Variants in SPTB observed in about 807,000 individuals in gnomAD.
SPTB encodes spectrin beta chain, erythrocytic.
Under a neutral mutation model 256.2 loss-of-function variants are expected in SPTB, and 45 were observed. The ratio of observed to expected loss-of-function variants is 0.18; its 90% CI spans 0.14 to 0.23. SPTB has a LOEUF of 0.23. Ranked by LOEUF, SPTB falls within the 10% of genes least tolerant of loss-of-function variation. The probability of loss-of-function intolerance (pLI) is 1.00; values close to 1 mark genes in which losing one functional copy is unlikely to be tolerated. For synonymous variants in SPTB, 1,231 were observed against 1,243.1 expected, an observed-to-expected ratio of 0.99 and a Z score of 0.21; for missense variants, 2,715 against 3,040.4, an observed-to-expected ratio of 0.89 and a Z score of 2.52.
chr14:64,803,651 G>C lies in SPTB; in HGVS notation c.430C>G (p.Arg144Gly). The stretch of plus-strand genomic sequence containing the variant: ...GTCCAGATGAGGCCCAGGACCAGGC[G>C]GTGGTTGCCATCTACAATGTCGTGG... ...GSHDIVDGNH[R>G]LVLGLIWTII... The change falls in exon 4 of 36, where the codon CGC (arginine) becomes GGC (glycine). Residue 144 changes from arginine to glycine, a missense_variant. Physicochemically the swap from Arg to Gly is moderately radical, Grantham distance 125. Transcript: ENST00000644917. 6.2e-7 allele frequency: 1 copy of C among 1,614,180 alleles called. No individual in the cohort carries two copies. Among genetic ancestry groups the C allele is most frequent in the Non-Finnish European group, 8.5e-7 (1 of 1,180,028 alleles).
intron 1 of SPTB, among the ~76,000 whole-genome samples, chr14:64,836,449 A>T (rs901262197): frequency 1.3e-5 from 2 of 152,214 alleles, no homozygotes; most frequent in Non-Finnish European, 2.9e-5. Flanking sequence ...TACAAATAAC[A>T]TGCAGTGTCT....
At chr14:64,782,672 A>G in intron 19 of SPTB, 119 bp from the exon 20 acceptor site, 1 of 1,451,618 alleles carries the variant, frequency 6.9e-7, no homozygotes, top group South Asian at 1.2e-5. Flanking sequence ...GAATCTTCAT[A>G]GAACATGGGT....
chr14:64,872,388 C>T (rs1957437), intron 1 of SPTB, among the ~76,000 whole-genome samples: 117,659 of 152,078 alleles, frequency 0.77, 46,213 homozygotes, highest in African/African-American at 0.85. Flanking sequence ...GGACTCCTTG[C>T]CTCCACTCTT....
rs2139413750 is a variant in SPTB, at chr14:64,749,076, G to A, written c.*230C>T. 4.3e-6 allele frequency: 2 copies of A among 465,042 alleles called. No individual in the cohort carries two copies. The highest frequency in any genetic ancestry group is 7.6e-6 in the Non-Finnish European group (2 of 263,426). 28.8% of individuals were successfully genotyped at this position (465,042 alleles called of 1,614,324 possible). On this transcript the variant is annotated 3_prime_UTR_variant, in exon 36 of 36. Coordinates refer to ENST00000644917, the MANE Select transcript of SPTB (RefSeq NM_001355436.2). The surrounding 1 kb of genome is among the most constrained non-coding windows in gnomAD (Gnocchi z 4.7). ...AGGCCCCAAAGGCGCCAGAGGAGCT[G>A]GGAGCCCCTGTCCCTGGAGCGGAGC...
At chr14:64,876,380 G>T (rs887268905) in intron 1 of SPTB, among the ~76,000 whole-genome samples, 1 of 152,056 alleles carries the variant, frequency 6.6e-6, no homozygotes, top group African/African-American at 2.4e-5. Flanking sequence ...TGACCAGCAT[G>T]GTGAAACCCC....
intron 3 of SPTB, among the ~76,000 whole-genome samples, chr14:64,804,141 G>C (rs569636543): frequency 6.6e-6 from 1 of 152,320 alleles, no homozygotes; most frequent in Admixed American, 6.5e-5. Context: ...CCAGTGTTAA[G>C]AGTAATTTTT....
At chr14:64,822,285 A>G (rs974071505) in intron 2 of SPTB, among the ~76,000 whole-genome samples, 23 of 149,522 alleles carry the variant, frequency 1.5e-4, no homozygotes, top group African/African-American at 5.7e-4. Context: ...CAAGAATCAG[A>G]TATCAGCCAA....
At chr14:64,815,518 A>C (rs1485015959) in intron 2 of SPTB, among the ~76,000 whole-genome samples, 6 of 152,220 alleles carry the variant, frequency 3.9e-5, no homozygotes, top group African/African-American at 1.4e-4. Flanking sequence ...TCTGAACAAA[A>C]GCACCTAGAA....
intron 32 of SPTB, chr14:64,754,132 G>T (rs2081990373): frequency 2.3e-6 from 1 of 427,450 alleles, no homozygotes; most frequent in Non-Finnish European, 4.4e-6. Context: ...GTGTGAGGGG[G>T]GGCAGGTTCC....
At chr14:64,811,075 C>T (rs959406590) in intron 2 of SPTB, among the ~76,000 whole-genome samples, 2 of 151,198 alleles carry the variant, frequency 1.3e-5, no homozygotes, top group Admixed American at 6.6e-5. Context: ...ATTGTGCCAC[C>T]GCACTCCAGC....
rs1175788441 is a variant in SPTB at position 64,778,702 on chromosome 14, G to A, written c.4563+455C>T. 6.6e-6 allele frequency among the ~76,000 whole-genome samples: 1 copy of A among 152,198 alleles called. No homozygotes were observed. The highest frequency in any genetic ancestry group is 1.5e-5 in the Non-Finnish European group (1 of 68,044). On this transcript the variant is annotated intron_variant, in intron 22 of 35. Transcript: ENST00000644917. The surrounding 1 kb of genome is among the most constrained non-coding windows in gnomAD (Gnocchi z 5.2). ...CCCCACAAGTATCCTCATATGTCGA[G>A]AGAAATGGGGCCTACTTACCCCAAG...
At chr14:64,822,259 GAA>G (rs113454275) in intron 2 of SPTB, among the ~76,000 whole-genome samples, 1 of 132,936 alleles carries the variant, frequency 7.5e-6, no homozygotes. Context: ...AGGAGTTGGG[GAA>G]AAAAAAAAAA....
chr14:64,872,869 C>T (rs1341140461), intron 1 of SPTB, among the ~76,000 whole-genome samples: 1 of 152,218 alleles, frequency 6.6e-6, no homozygotes, highest in Non-Finnish European at 1.5e-5. Context: ...CGCCTGCCAC[C>T]ATGTATGACA....
At chr14:64,815,112 G>A (rs2083165883) in intron 2 of SPTB, among the ~76,000 whole-genome samples, 1 of 152,146 alleles carries the variant, frequency 6.6e-6, no homozygotes, top group Non-Finnish European at 1.5e-5. Flanking sequence ...TCTAGGGAAT[G>A]TGAACATTAT....
In SPTB at chr14:64,793,801, T is replaced by A; in HGVS notation, c.1862A>T (p.Glu621Val). 3 of 1,612,972 alleles carry A rather than the reference T, an allele frequency of 1.9e-6. No homozygotes were observed. Among genetic ancestry groups the A allele is most frequent in the Non-Finnish European group, 2.5e-6 (3 of 1,179,926 alleles). The change falls in exon 14 of 36, where the codon GAG becomes GTG. Residue 621 changes from glutamate to valine, a missense_variant. This residue lies in a region of SPTB where 2,239 missense variants were observed against 2,384.4 expected (regional missense o/e 0.94). Transcript: ENST00000644917. The surrounding 1 kb of genome is among the most constrained non-coding windows in gnomAD (Gnocchi z 7.0). The part of the protein sequence containing the change: ...RISHLEQCFE[E>V]LSNMAAGRKA... The stretch of plus-strand genomic sequence containing the variant: ...CCGCCCAGCTGCCATGTTGCTCAGC[T>A]CCTCAAAGCACTGCTCCAAGTGGCT...
At position 64,821,147 on chromosome 14, in the gene SPTB, G is replaced by A. The variant is rs1275282938; in HGVS notation, c.148+1800C>T. Among the ~76,000 whole-genome samples the A allele has an allele frequency of 3.9e-5, 6 of 152,152 alleles. No homozygotes were observed. In the East Asian group the frequency reaches 9.6e-4, roughly 24 times the overall value. On this transcript the variant is annotated intron_variant, in intron 2 of 35. Transcript: ENST00000644917. ...CTGCCTCCTCCATGAACTGTTCCCC[G>A]ATTTTCCTTGCATCTCTTCCTTGGC...
At chr14:64,861,979 C>G (rs778908948) in intron 1 of SPTB, among the ~76,000 whole-genome samples, 2 of 152,204 alleles carry the variant, frequency 1.3e-5, no homozygotes, top group Non-Finnish European at 2.9e-5. Context: ...CCCACCCCTT[C>G]AATGTTGGCA....
chr14:64,805,087 T>C lies in SPTB; in HGVS notation c.152A>G (p.Glu51Gly), dbSNP rs1157089669. Residue 51 changes from glutamate (E) to glycine (G), a missense_variant, in exon 3 of 36, where the codon GAG (glutamate) becomes GGG (glycine). Glu to Gly is a moderately conservative substitution (Grantham distance 98). Around this residue, in one of 4 missense-constraint regions of SPTB, gnomAD observed 58 missense variants for 67.9 expected, o/e 0.85. Transcript: ENST00000644917. Reference protein sequence around the residue: ...ERSRIKALADEREVVQKKTFT... With the variant: ...ERSRIKALADGREVVQKKTFT... ...GGTCTTTTTCTGAACAACTTCCCGC[T>C]CATCTAGGTGGAGAGAAGAACCTTG... is the stretch of plus-strand genomic sequence containing the variant. 2 of 1,614,132 alleles carry C rather than the reference T, an allele frequency of 1.2e-6. No homozygotes were observed. The highest frequency in any genetic ancestry group is 3.3e-5 in the Admixed American group (2 of 60,024).
At chr14:64,765,645 A>G (rs1425106344) in intron 32 of SPTB, among the ~76,000 whole-genome samples, 1 of 152,204 alleles carries the variant, frequency 6.6e-6, no homozygotes, top group Non-Finnish European at 1.5e-5. Context: ...AACCAGCTCC[A>G]TATCCAGACT....
Sources: gnomAD v4.1 joint callset for allele counts (sites outside exome capture counted in the v4.1 genomes callset) on GRCh38, gnomAD v4.1.1 for gene constraint, gnomAD v4.1.1 regional missense constraint, Gnocchi (gnomAD v3.1) non-coding constraint, MANE v1.5 for transcripts, NCBI Gene and HGNC (gene_info 2026-07-23, HGNC 2026-07-21) for gene names.